Variants in HIPK3 observed in about 807,000 individuals in gnomAD.
The protein encoded by HIPK3 is homeodomain-interacting protein kinase 3.
Under a neutral mutation model 124.2 loss-of-function variants are expected in HIPK3, and 47 were observed. The ratio of observed to expected loss-of-function variants is 0.38; its 90% CI spans 0.30 to 0.48. The LOEUF (loss-of-function observed/expected upper bound fraction) is 0.48, where lower values mean the gene tolerates loss of function less well. HIPK3 is among the 20% of genes least tolerant of loss of function. HIPK3 has a pLI of 0.98. For synonymous variants in HIPK3, 482 were observed against 515.2 expected, an observed-to-expected ratio of 0.94 and a Z score of 0.87; for missense variants, 1,286 against 1,454.3, an observed-to-expected ratio of 0.88 and a Z score of 1.88.
At chr11:33,316,666 A>G (rs1398109564) in intron 2 of HIPK3, among the ~76,000 whole-genome samples, 1 of 152,076 alleles carries the variant, frequency 6.6e-6, no homozygotes, top group Non-Finnish European at 1.5e-5. Context: ...TACAAAAAAT[A>G]AAAACCATTA....
rs976688064 is a variant in HIPK3, at chr11:33,287,571, A to G, written c.1097+60A>G. ...TAATGTGAAATTTCTGCTAAATGAA[A>G]TACTTTTGTGTGTGTTTGTGGTAGA... On this transcript the variant is annotated intron_variant, in intron 2 of 16. Coordinates refer to ENST00000303296, the MANE Select transcript of HIPK3 (RefSeq NM_005734.5). 1.7e-5 allele frequency: 26 copies of G among 1,533,422 alleles called. No homozygotes were observed. The Middle Eastern group carries it at 5.2e-4, about 31-fold the overall frequency. The allele number at this position is 1,533,422 out of a possible 1,614,324, so 95.0% of individuals were successfully genotyped here. A position where few individuals can be genotyped will look rare whatever the true frequency, so the allele number is the denominator to read the frequency against.
chr11:33,284,406 C>T (rs1851493152), intron 1 of HIPK3, among the ~76,000 whole-genome samples: 1 of 152,144 alleles, frequency 6.6e-6, no homozygotes, highest in Admixed American at 6.5e-5. Context: ...TAACCCCTGC[C>T]TAGAGGGTGA....
At chr11:33,306,234 GAAAAT>G (rs1210941517) in intron 2 of HIPK3, among the ~76,000 whole-genome samples, 3 of 152,044 alleles carry the variant, frequency 2.0e-5, no homozygotes, top group African/African-American at 7.2e-5. Flanking sequence ...ATAGTAAAAT[GAAAAT>G]AAAATTATAC....
chr11:33,294,973 T>C (rs543834498), intron 2 of HIPK3, among the ~76,000 whole-genome samples: 1 of 152,300 alleles, frequency 6.6e-6, no homozygotes, highest in South Asian at 2.1e-4. Context: ...GTCATTCTCA[T>C]GTCTCAAAAT....
intron 2 of HIPK3, among the ~76,000 whole-genome samples, chr11:33,320,515 A>G (rs1241222281): frequency 6.6e-6 from 1 of 152,174 alleles, no homozygotes; most frequent in African/African-American, 2.4e-5. Flanking sequence ...ATGAGAAGAG[A>G]TGGTAGAGGA....
intron 2 of HIPK3, among the ~76,000 whole-genome samples, chr11:33,295,875 T>G (rs1307730906): frequency 6.6e-6 from 1 of 152,204 alleles, no homozygotes; most frequent in African/African-American, 2.4e-5. Context: ...AAGTTACCAT[T>G]TTTTTCTTTG....
intron 1 of HIPK3, among the ~76,000 whole-genome samples, chr11:33,267,742 C>A (rs937232611): frequency 2.6e-5 from 4 of 151,888 alleles, no homozygotes; most frequent in Non-Finnish European, 5.9e-5. Flanking sequence ...GTGATCCGCC[C>A]GCCTCGGCCT....
At chr11:33,343,475 T>A (rs2133990775) in intron 8 of HIPK3, among the ~76,000 whole-genome samples, 1 of 152,130 alleles carries the variant, frequency 6.6e-6, no homozygotes, top group African/African-American at 2.4e-5. Context: ...GTACAGGGTT[T>A]CACCATGTTG....
At chr11:33,258,201 CTCG>C in intron 1 of HIPK3, 1 of 474,448 alleles carries the variant, frequency 2.1e-6, no homozygotes, top group Non-Finnish European at 2.7e-6. Flanking sequence ...GCCCGGGGGC[CTCG>C]GCCCCCCCTC....
In HIPK3 at chr11:33,353,429, C is replaced by T. The variant is rs748722092; in HGVS notation, c.3509C>T (p.Pro1170Leu). The change falls in exon 17 of 17, where the codon CCC (proline) becomes CTC (leucine). Residue 1170 changes from proline to leucine, a missense_variant. By Grantham distance (98) the Pro-to-Leu change is moderately conservative. Coordinates refer to ENST00000303296, the MANE Select transcript of HIPK3 (RefSeq NM_005734.5). ...CACCAAGTCCCAGTGGGCTTAAATC[C>T]CCGTCTGTTACCATCCCCAACCATT... is the stretch of plus-strand genomic sequence containing the variant. ...IVHQVPVGLN[P>L]RLLPSPTIHQ... 61 of 1,613,830 alleles carry T rather than the reference C, an allele frequency of 3.8e-5. No individual in the cohort carries two copies. Among genetic ancestry groups the T allele is most frequent in the Non-Finnish European group, 5.1e-5 (60 of 1,179,872 alleles).
At chr11:33,300,160 C>G (rs1362425426) in intron 2 of HIPK3, among the ~76,000 whole-genome samples, 2 of 151,904 alleles carry the variant, frequency 1.3e-5, no homozygotes, top group Non-Finnish European at 2.9e-5. Flanking sequence ...GCCAACATGG[C>G]GAAACCCTGT....
intron 2 of HIPK3, among the ~76,000 whole-genome samples, chr11:33,303,817 G>A (rs527320629): frequency 1.3e-5 from 2 of 152,260 alleles, no homozygotes; most frequent in South Asian, 4.1e-4. Flanking sequence ...AATCTAATAT[G>A]TGCTAAACTT....
At chr11:33,344,158 T>C (rs1036435242) in intron 8 of HIPK3, among the ~76,000 whole-genome samples, 1 of 152,222 alleles carries the variant, frequency 6.6e-6, no homozygotes, top group African/African-American at 2.4e-5. Flanking sequence ...CACATACATG[T>C]ACTATTTGAA....
chr11:33,301,841 C>CACACACACACACACACAT lies in HIPK3; in HGVS notation c.1097+14344_1097+14345insACATACACACACACACAC, dbSNP rs1177337626. 1.3e-5 allele frequency among the ~76,000 whole-genome samples: 2 copies of CACACACACACACACACAT among 151,542 alleles called. 1 individual carries two copies. Among genetic ancestry groups the CACACACACACACACACAT allele is most frequent in the Non-Finnish European group, 2.9e-5 (2 of 67,832 alleles). On this transcript the variant is annotated intron_variant, in intron 2 of 16. Coordinates refer to ENST00000303296, the MANE Select transcript of HIPK3 (RefSeq NM_005734.5). Reference sequence around the variant, plus strand: ...TGTCTGACACACACACACACACACACACACACACACACACGAGTACAGTAC... The same window carrying CACACACACACACACACAT: ...TGTCTGACACACACACACACACACACACACACACACACACACATACACACACACACACGAGTACAGTAC...
In HIPK3 at chr11:33,302,078, G is replaced by A. The variant is rs369615741; in HGVS notation, c.1097+14567G>A. ...ACTAAATTCTATTCATTTGGAAACA[G>A]CATTGTAATCAATCTAGATATCTAA... On this transcript the variant is annotated intron_variant, in intron 2 of 16. Transcript: ENST00000303296. Among the ~76,000 whole-genome samples, 13 of 152,206 alleles carry A rather than the reference G, an allele frequency of 8.5e-5. 1 individual carries two copies. The East Asian group carries it at 1.9e-3, about 23-fold the overall frequency.
chr11:33,295,024 T>C (rs924713466), intron 2 of HIPK3, among the ~76,000 whole-genome samples: 5 of 152,072 alleles, frequency 3.3e-5, no homozygotes, highest in African/African-American at 1.2e-4. Context: ...CACAGCAAAG[T>C]CGCCCCTTCC....
chr11:33,331,395 A>T (rs1357024652), intron 3 of HIPK3, among the ~76,000 whole-genome samples: 1 of 152,024 alleles, frequency 6.6e-6, no homozygotes, highest in Non-Finnish European at 1.5e-5. Flanking sequence ...TTTTTTTTAG[A>T]CAGGGTCTCA....
intron 3 of HIPK3, among the ~76,000 whole-genome samples, 193 bp from the exon 4 acceptor site, chr11:33,336,882 A>G (rs539965613): frequency 2.0e-5 from 3 of 152,306 alleles, no homozygotes; most frequent in Non-Finnish European, 4.4e-5. Flanking sequence ...TTTTCTATCA[A>G]GCGTGCATTT....
chr11:33,257,184 G>T, upstream of HIPK3: 1 of 954,990 alleles, frequency 1.0e-6, no homozygotes, highest in African/African-American at 1.8e-5. Context: ...CGGGCTGGCA[G>T]GCGGGCTCCG....
Sources: allele counts gnomAD v4.1 joint callset (sites outside exome capture counted in the v4.1 genomes callset), GRCh38; gene constraint gnomAD v4.1.1; transcripts MANE v1.5; gene names NCBI Gene and HGNC (gene_info 2026-07-23, HGNC 2026-07-21).